The following ASIC2 variants were observed in gnomAD, a reference collection of about 807,000 sequenced individuals.
ASIC2 encodes the protein acid-sensing ion channel 2.
A neutral mutation model predicts 57.3 loss-of-function variants in ASIC2; 25 were observed. The observed-to-expected ratio is 0.44, with a 90% CI of 0.32 to 0.61. The LOEUF (loss-of-function observed/expected upper bound fraction) is 0.61. Among genes scored for constraint, ASIC2 ranks in the 20% least tolerant of loss-of-function variants. ASIC2 has a pLI of 0.06. For synonymous variants in ASIC2, 319 were observed against 307.5 expected (o/e 1.04, Z -0.39); for missense variants, 641 against 738.1 (o/e 0.87, Z 1.52).
At chr17:33,334,882 C>T (rs781268435) in intron 1 of ASIC2, among the ~76,000 whole-genome samples, 5 of 152,176 alleles carry the variant, frequency 3.3e-5, no homozygotes, top group South Asian at 2.1e-4. Context: ...AAGCTGCAAA[C>T]GTGCAAGCTG....
chr17:33,151,631 T>C (rs1002442757), intron 1 of ASIC2, among the ~76,000 whole-genome samples: 49 of 152,196 alleles, frequency 3.2e-4, no homozygotes, highest in African/African-American at 1.2e-3. Flanking sequence ...AATGAAGCTA[T>C]TGTGGGAGTG....
intron 1 of ASIC2, among the ~76,000 whole-genome samples, chr17:33,585,175 G>C (rs1904581402): frequency 6.6e-6 from 1 of 152,108 alleles, no homozygotes; most frequent in African/African-American, 2.4e-5. Flanking sequence ...AGCCTGAGCT[G>C]AGTCTTGAGC....
intron 1 of ASIC2, among the ~76,000 whole-genome samples, chr17:33,908,115 T>C (rs1915389002): frequency 6.6e-6 from 1 of 152,204 alleles, no homozygotes; most frequent in South Asian, 2.1e-4. Flanking sequence ...ACAGCAGCTT[T>C]CCATCATTCT....
At chr17:33,778,994 G>A (rs1301136745) in intron 1 of ASIC2, among the ~76,000 whole-genome samples, 1 of 152,134 alleles carries the variant, frequency 6.6e-6, no homozygotes, top group Non-Finnish European at 1.5e-5. Flanking sequence ...ACTCATGTCT[G>A]TATCCCTTAC....
At chr17:33,336,740 T>G (rs1462160530) in intron 1 of ASIC2, among the ~76,000 whole-genome samples, 1 of 152,178 alleles carries the variant, frequency 6.6e-6, no homozygotes, top group African/African-American at 2.4e-5. Context: ...TCTCTATCTC[T>G]GTCTTTCTCT....
intron 1 of ASIC2, among the ~76,000 whole-genome samples, chr17:33,666,378 AG>A (rs1238508210): frequency 6.6e-6 from 1 of 152,162 alleles, no homozygotes; most frequent in Non-Finnish European, 1.5e-5. Context: ...AGGTACTTTT[AG>A]GTTGGGGTCA....
At chr17:33,638,886 G>T (rs957275109) in intron 1 of ASIC2, among the ~76,000 whole-genome samples, 3 of 152,002 alleles carry the variant, frequency 2.0e-5, no homozygotes, top group Non-Finnish European at 4.4e-5. Flanking sequence ...CGGCTTCCTT[G>T]TCCATCAGTT....
chr17:33,064,579 C>T (rs948037065), intron 3 of ASIC2, among the ~76,000 whole-genome samples: 18 of 152,184 alleles, frequency 1.2e-4, no homozygotes, highest in Non-Finnish European at 2.6e-4. Flanking sequence ...GGTACCTGGC[C>T]GTGTGAGGTG....
chr17:34,085,649 C>G (rs1279252027), intron 1 of ASIC2, among the ~76,000 whole-genome samples: 1 of 152,080 alleles, frequency 6.6e-6, no homozygotes, highest in Non-Finnish European at 1.5e-5. Flanking sequence ...TAGAATTTGG[C>G]TGTGAATCCA....
At chr17:34,040,843 A>G (rs531509247) in intron 1 of ASIC2, among the ~76,000 whole-genome samples, 16 of 152,372 alleles carry the variant, frequency 1.1e-4, no homozygotes, top group African/African-American at 3.1e-4. Context: ...ACAAAATATA[A>G]TAAGAGTTAA....
At chr17:33,827,761 GGTTT>G (rs1389292317) in intron 1 of ASIC2, 2 of 151,976 alleles carry the variant, frequency 1.3e-5, no homozygotes, top group African/African-American at 4.8e-5. Flanking sequence ...AGAACATGCA[GGTTT>G]GTTACACAGA....
At chr17:33,880,273 A>G (rs1914665575) in intron 1 of ASIC2, among the ~76,000 whole-genome samples, 1 of 152,188 alleles carries the variant, frequency 6.6e-6, no homozygotes, top group Admixed American at 6.5e-5. Context: ...AACTGAAGGA[A>G]ATAGAGACAC....
chr17:33,870,823 T>A (rs1052455610), intron 1 of ASIC2, among the ~76,000 whole-genome samples: 2 of 152,178 alleles, frequency 1.3e-5, no homozygotes, highest in Non-Finnish European at 2.9e-5. Context: ...TTAATTAATA[T>A]TGGGAAAACT....
chr17:33,987,330 C>G (rs1905852849), intron 1 of ASIC2, among the ~76,000 whole-genome samples: 1 of 152,150 alleles, frequency 6.6e-6, no homozygotes, highest in Non-Finnish European at 1.5e-5. Context: ...CTTGCCCCAG[C>G]CTTTGCATCT....
chr17:33,030,249 C>T (rs1027173978), intron 3 of ASIC2, among the ~76,000 whole-genome samples: 2 of 152,112 alleles, frequency 1.3e-5, no homozygotes, highest in East Asian at 3.8e-4. Context: ...CCATGAATCC[C>T]CAGAATTTCC....
At chr17:33,202,548 G>A (rs1038726043) in intron 1 of ASIC2, among the ~76,000 whole-genome samples, 4 of 152,186 alleles carry the variant, frequency 2.6e-5, no homozygotes, top group African/African-American at 4.8e-5. Flanking sequence ...ATCAAGGGGT[G>A]CAGCAGGGCT....
At chr17:33,044,590 G>T (rs930200503) in intron 3 of ASIC2, among the ~76,000 whole-genome samples, 5 of 152,134 alleles carry the variant, frequency 3.3e-5, no homozygotes, top group Admixed American at 6.5e-5. Context: ...TCAAACTCCT[G>T]ACCTCAAATG....
At chr17:33,432,333 T>A (rs1553492) in intron 1 of ASIC2, among the ~76,000 whole-genome samples, 52,707 of 152,046 alleles carry the variant, frequency 0.35, 9,220 homozygotes, top group Middle Eastern at 0.44. Flanking sequence ...CTTGGGAACA[T>A]AATGAGACCT....
chr17:33,392,805 G>A lies in ASIC2; in HGVS notation c.556-280738C>T, dbSNP rs933172422. Among the ~76,000 whole-genome samples, 6 of 152,050 alleles carry A rather than the reference G, an allele frequency of 3.9e-5. No individual in the cohort carries two copies. The South Asian group carries it at 1.2e-3, about 32-fold the overall frequency. On this transcript the variant is annotated intron_variant, in intron 1 of 9. Transcript: ENST00000359872. ...GAGCTATAATGGTTTGGATATCTAT[G>A]GGCATTCCTCTGAACGCTATACTTT...
Sources: gnomAD v4.1 joint callset for allele counts (sites outside exome capture counted in the v4.1 genomes callset) on GRCh38, gnomAD v4.1.1 for gene constraint, MANE v1.5 for transcripts, NCBI Gene and HGNC (gene_info 2026-07-23, HGNC 2026-07-21) for gene names.